PLXNA4: variants seen among roughly 807,000 people sequenced by gnomAD.
The protein encoded by PLXNA4 is plexin-A4.
In PLXNA4, 44 loss-of-function variants were observed where a neutral mutation model predicts 191.8. The ratio of observed to expected loss-of-function variants is 0.23; its 90% confidence interval spans 0.18 to 0.29. The LOEUF is 0.29. Ranked by LOEUF, PLXNA4 falls within the 10% of genes least tolerant of loss-of-function variation. PLXNA4 has a pLI of 1.00. For synonymous variants in PLXNA4, 1,082 were observed against 1,009.5 expected (o/e 1.07, Z -1.36); for missense variants, 1,800 against 2,488.8 (o/e 0.72, Z 5.89).
chr7:132,479,972 T>A (rs982526499), intron 3 of PLXNA4, among the ~76,000 whole-genome samples: 2 of 152,124 alleles, frequency 1.3e-5, no homozygotes, highest in Admixed American at 1.3e-4. Context: ...TGCATTTTTT[T>A]AAAAAGAGGT....
At chr7:132,137,573 T>A (rs929779068) in intron 30 of PLXNA4, among the ~76,000 whole-genome samples, 1 of 152,250 alleles carries the variant, frequency 6.6e-6, no homozygotes, top group Non-Finnish European at 1.5e-5. Flanking sequence ...TCTTCTCCCT[T>A]TTTCCAGATT....
At chr7:132,246,412 T>C (rs1442839985) in intron 4 of PLXNA4, among the ~76,000 whole-genome samples, 1 of 152,180 alleles carries the variant, frequency 6.6e-6, no homozygotes, top group African/African-American at 2.4e-5. Context: ...TTTGGAAAAA[T>C]AATGCCATAG....
chr7:132,627,770 C>G (rs745911773), intron 2 of PLXNA4, among the ~76,000 whole-genome samples: 1 of 152,174 alleles, frequency 6.6e-6, no homozygotes, highest in African/African-American at 2.4e-5. Flanking sequence ...AAGCAGAGAA[C>G]AGCCATCATC....
intron 4 of PLXNA4, among the ~76,000 whole-genome samples, chr7:132,297,133 T>C (rs2116495587): frequency 2.0e-5 from 3 of 151,976 alleles, no homozygotes; most frequent in African/African-American, 7.2e-5. Context: ...GTCAGCAGGG[T>C]CCTCCAGAGA....
At chr7:132,370,460 G>A (rs1804391463) in intron 3 of PLXNA4, among the ~76,000 whole-genome samples, 1 of 152,126 alleles carries the variant, frequency 6.6e-6, no homozygotes, top group Non-Finnish European at 1.5e-5. Flanking sequence ...TGCTCTCCTG[G>A]CCTTATTTAG....
At chr7:132,193,970 G>C (rs551777966) in intron 14 of PLXNA4, 92 bp downstream of exon 14, 9 of 1,499,032 alleles carry the variant, frequency 6.0e-6, no homozygotes, top group Non-Finnish European at 7.2e-6. Flanking sequence ...CCTTGCCCTG[G>C]GTTTGCTCAC....
chr7:132,384,629 T>G (rs1212249010), intron 3 of PLXNA4: 2 of 990,366 alleles, frequency 2.0e-6, no homozygotes, highest in Non-Finnish European at 2.4e-6. Flanking sequence ...CTTTTCTCTT[T>G]CCCGCAGAGG....
At chr7:132,351,957 C>T (rs1158722121) in intron 3 of PLXNA4, among the ~76,000 whole-genome samples, 10 of 152,102 alleles carry the variant, frequency 6.6e-5, no homozygotes, top group South Asian at 2.1e-4. Context: ...TATTAGGCTG[C>T]GAATCAAATT....
intron 2 of PLXNA4, among the ~76,000 whole-genome samples, chr7:132,607,775 TCACCATCAC>T (rs974070663): frequency 1.1e-4 from 17 of 152,246 alleles, no homozygotes; most frequent in African/African-American, 4.1e-4. Flanking sequence ...ATCATCATTA[TCACCATCAC>T]CACCATCATC....
chr7:132,363,126 A>G (rs1804014355), intron 3 of PLXNA4, among the ~76,000 whole-genome samples: 1 of 152,178 alleles, frequency 6.6e-6, no homozygotes, highest in Non-Finnish European at 1.5e-5. Context: ...CTGGGACTAC[A>G]GGCATGCGCC....
intron 2 of PLXNA4, among the ~76,000 whole-genome samples, chr7:132,610,410 G>A (rs1803022381): frequency 1.3e-5 from 2 of 152,180 alleles, no homozygotes; most frequent in Non-Finnish European, 2.9e-5. Flanking sequence ...GGCATTTGGA[G>A]GGCATCCCTA....
intron 1 of PLXNA4, among the ~76,000 whole-genome samples, chr7:132,538,326 A>T (rs1210659458): frequency 6.6e-6 from 1 of 152,198 alleles, no homozygotes; most frequent in Non-Finnish European, 1.5e-5. Context: ...TGCACCGGCA[A>T]GGTCTTAGGC....
chr7:132,355,502 A>T (rs929271520), intron 3 of PLXNA4, among the ~76,000 whole-genome samples: 4 of 152,218 alleles, frequency 2.6e-5, no homozygotes, highest in African/African-American at 9.6e-5. Context: ...TTTCATCACA[A>T]GTCTGGACAA....
intron 1 of PLXNA4, among the ~76,000 whole-genome samples, chr7:132,513,561 G>A (rs1798818905): frequency 6.6e-6 from 1 of 152,194 alleles, no homozygotes; most frequent in African/African-American, 2.4e-5. Context: ...TTATTATGGG[G>A]TAATAGGATT....
chr7:132,566,129 G>C (rs1801711853), intron 1 of PLXNA4, among the ~76,000 whole-genome samples: 1 of 152,156 alleles, frequency 6.6e-6, no homozygotes, highest in Non-Finnish European at 1.5e-5. Context: ...GTGTGTGTTA[G>C]CAACTGTTAT....
intron 1 of PLXNA4, among the ~76,000 whole-genome samples, chr7:132,562,897 TCCCCCTCCTCCTCC>T (rs1801312392): frequency 9.4e-6 from 1 of 106,600 alleles, no homozygotes; most frequent in African/African-American, 4.0e-5. Flanking sequence ...TGCCTCCTTC[TCCCCCTCCTCCTCC>T]TCTTCCTCCT....
At chr7:132,250,322 G>A (rs568726539) in intron 4 of PLXNA4, among the ~76,000 whole-genome samples, 24 of 152,150 alleles carry the variant, frequency 1.6e-4, no homozygotes, top group Non-Finnish European at 2.6e-4. Context: ...CAGCTCATGC[G>A]CAGTAAATGA....
intron 1 of PLXNA4, among the ~76,000 whole-genome samples, chr7:132,547,885 A>G (rs1585314162): frequency 6.6e-6 from 1 of 152,168 alleles, no homozygotes. Flanking sequence ...AGCAGAAAGC[A>G]CCTCTCTTTG....
At chr7:132,648,462 A>G (rs547105869) in intron 1 of PLXNA4, 1 of 152,232 alleles carries the variant, frequency 6.6e-6, no homozygotes, top group Admixed American at 6.5e-5. Context: ...AATGCTGCTC[A>G]GTATCCCCAG....
Sources: gnomAD v4.1 joint callset for allele counts (sites outside exome capture counted in the v4.1 genomes callset) on GRCh38, gnomAD v4.1.1 for gene constraint, MANE v1.5 for transcripts, NCBI Gene and HGNC (gene_info 2026-07-23, HGNC 2026-07-21) for gene names.